Variants in PLPPR5 observed in about 807,000 individuals in gnomAD.
PLPPR5 encodes phospholipid phosphatase-related protein type 5.
PLPPR5 carries 16 observed loss-of-function variants against 33.9 expected under a neutral mutation model. The ratio of observed to expected loss-of-function variants is 0.47; its 90% CI spans 0.32 to 0.72. PLPPR5 has a LOEUF of 0.72. Ranked by LOEUF, PLPPR5 falls within the 30% of genes least tolerant of loss-of-function variation. The probability of loss-of-function intolerance (pLI) is 0.03; values close to 1 mark genes in which losing one functional copy is unlikely to be tolerated. For missense variants in PLPPR5, 301 were observed against 406.7 expected (o/e 0.74, Z 2.23); for synonymous variants, 163 against 150.3 (o/e 1.08, Z -0.62).
Position 98,922,045 on chromosome 1 carries a change from T to A in PLPPR5, c.635A>T (p.Asn212Ile), listed in dbSNP as rs748818897. 7 of 1,611,108 alleles carry A rather than the reference T, an allele frequency of 4.3e-6. No homozygotes were observed. In the East Asian group the frequency reaches 1.6e-4, roughly 36 times the overall value. Residue 212 changes from asparagine to isoleucine, a missense_variant, in exon 4 of 6, where the codon AAC becomes ATC. Asn to Ile is a moderately radical substitution (Grantham distance 149, BLOSUM62 -3). Transcript: ENST00000263177. ...AAMYLTMYITNTIKAKGTRLA... is the reference protein window; with the variant it reads ...AAMYLTMYITITIKAKGTRLA... ...TCTGGTTCCCTTGGCTTTGATTGTG[T>A]TGGTGATGTACATCTGAAACATTCA...
intron 3 of PLPPR5, among the ~76,000 whole-genome samples, chr1:98,935,438 T>C (rs1650140066): frequency 6.6e-6 from 1 of 152,184 alleles, no homozygotes; most frequent in Non-Finnish European, 1.5e-5. Context: ...AATACGACTG[T>C]TCACCTTTAC....
At chr1:98,980,148 T>C (rs1034890413) in intron 1 of PLPPR5, among the ~76,000 whole-genome samples, 1 of 152,042 alleles carries the variant, frequency 6.6e-6, no homozygotes, top group Non-Finnish European at 1.5e-5. Context: ...TTGTGATCTG[T>C]CTGAATCTTC....
chr1:98,942,043 C>T (rs72977859), intron 3 of PLPPR5, among the ~76,000 whole-genome samples: 2,364 of 144,368 alleles, frequency 0.016, 62 homozygotes, highest in African/African-American at 0.051. Flanking sequence ...TACACATATA[C>T]GTATATATGA....
At chr1:98,936,754 C>T (rs1429506617) in intron 3 of PLPPR5, among the ~76,000 whole-genome samples, 1 of 152,162 alleles carries the variant, frequency 6.6e-6, no homozygotes, top group East Asian at 1.9e-4. Flanking sequence ...ACAATCGATC[C>T]TATGCTTTGT....
intron 1 of PLPPR5, among the ~76,000 whole-genome samples, chr1:98,957,288 T>C (rs1651049659): frequency 6.6e-6 from 1 of 151,868 alleles, no homozygotes; most frequent in Admixed American, 6.6e-5. Flanking sequence ...TATACATATG[T>C]AACTAACCTG....
intron 1 of PLPPR5, among the ~76,000 whole-genome samples, chr1:98,996,523 T>G (rs1652638241): frequency 6.6e-6 from 1 of 152,120 alleles, no homozygotes; most frequent in Non-Finnish European, 1.5e-5. Context: ...ACAAAAAGTT[T>G]AAATAGTACT....
At position 98,945,315 on chromosome 1, in the gene PLPPR5, T is replaced by C. The variant is rs373151377; in HGVS notation, c.621+7755A>G. 7.5e-4 allele frequency among the ~76,000 whole-genome samples: 114 copies of C among 152,182 alleles called. 1 individual carries two copies. The highest frequency in any genetic ancestry group is 2.6e-3 in the African/African-American group (109 of 41,462). Reference sequence around the variant, plus strand: ...TTGAGCTACCTGGTCACCTGGAAAATAGGACATAAGACAGGAATTTCTGGA... The same window carrying C: ...TTGAGCTACCTGGTCACCTGGAAAACAGGACATAAGACAGGAATTTCTGGA... On this transcript the variant is annotated intron_variant, in intron 3 of 5. Coordinates refer to ENST00000263177, the MANE Select transcript of PLPPR5 (RefSeq NM_001037317.2).
At chr1:98,946,834 T>C (rs1168838575) in intron 3 of PLPPR5, among the ~76,000 whole-genome samples, 1 of 152,222 alleles carries the variant, frequency 6.6e-6, no homozygotes, top group African/African-American at 2.4e-5. Flanking sequence ...ATCATAACTT[T>C]TTTTTAGAAG....
chr1:98,940,224 C>T (rs1034229215), intron 3 of PLPPR5, among the ~76,000 whole-genome samples: 3 of 151,808 alleles, frequency 2.0e-5, no homozygotes, highest in Admixed American at 6.6e-5. Flanking sequence ...TGCTGGCATA[C>T]TTGAGTACTG....
rs1300126873 is a variant in PLPPR5 at position 98,957,271 on chromosome 1, G to A, written c.238-530C>T. ...TTAGTGGGAGCAGCGCACCAGCATG[G>A]CACATGTATACATATGTAACTAACC... On this transcript the variant is annotated intron_variant, in intron 1 of 5. Coordinates refer to ENST00000263177, the MANE Select transcript of PLPPR5 (RefSeq NM_001037317.2). 2.6e-5 allele frequency among the ~76,000 whole-genome samples: 4 copies of A among 151,606 alleles called. 1 individual carries two copies. The East Asian group carries it at 7.8e-4, about 29-fold the overall frequency.
intron 1 of PLPPR5, among the ~76,000 whole-genome samples, chr1:98,991,504 A>G (rs1218075234): frequency 6.6e-6 from 1 of 152,210 alleles, no homozygotes; most frequent in Non-Finnish European, 1.5e-5. Flanking sequence ...AGTTAAGAAC[A>G]TAAGACATCT....
intron 1 of PLPPR5, among the ~76,000 whole-genome samples, chr1:98,958,500 T>C (rs1239877555): frequency 3.9e-5 from 6 of 152,100 alleles, no homozygotes; most frequent in African/African-American, 1.4e-4. Flanking sequence ...GCCTATTTGG[T>C]GAGAGTGGAT....
At chr1:98,978,729 C>G (rs1054170934) in intron 1 of PLPPR5, among the ~76,000 whole-genome samples, 1 of 151,964 alleles carries the variant, frequency 6.6e-6, no homozygotes, top group Non-Finnish European at 1.5e-5. Context: ...CAGCTCCCCC[C>G]ACCAGAAAAA....
intron 1 of PLPPR5, among the ~76,000 whole-genome samples, chr1:98,975,200 A>G: frequency 6.6e-6 from 1 of 152,004 alleles, no homozygotes; most frequent in East Asian, 1.9e-4. Flanking sequence ...ATGTTTCCAC[A>G]CCCTAGTTCT....
intron 1 of PLPPR5, among the ~76,000 whole-genome samples, chr1:99,003,481 T>C (rs1272957505): frequency 6.6e-6 from 1 of 152,102 alleles, no homozygotes; most frequent in Non-Finnish European, 1.5e-5. Context: ...CAATACTTTG[T>C]CAATATTAAA....
At chr1:98,964,661 CT>C (rs925210710) in intron 1 of PLPPR5, among the ~76,000 whole-genome samples, 28 of 152,182 alleles carry the variant, frequency 1.8e-4, no homozygotes, top group African/African-American at 6.3e-4. Context: ...GGCAAAGCAC[CT>C]GTCTGTTCCC....
At chr1:98,966,969 TG>T (rs1474576904) in intron 1 of PLPPR5, among the ~76,000 whole-genome samples, 2 of 151,898 alleles carry the variant, frequency 1.3e-5, no homozygotes, top group Non-Finnish European at 2.9e-5. Context: ...ACTCTGGGGG[TG>T]GGGGTCTGGC....
At chr1:98,929,036 G>C (rs1024692475) in intron 3 of PLPPR5, among the ~76,000 whole-genome samples, 7 of 152,074 alleles carry the variant, frequency 4.6e-5, no homozygotes, top group Admixed American at 4.6e-4. Context: ...AGGAGATTCC[G>C]TATTTAGTCA....
At chr1:98,992,581 T>C (rs1237557577) in intron 1 of PLPPR5, among the ~76,000 whole-genome samples, 1 of 152,182 alleles carries the variant, frequency 6.6e-6, no homozygotes, top group African/African-American at 2.4e-5. Context: ...GTTTCAAATG[T>C]AGTGTTACTT....
Sources: allele counts gnomAD v4.1 joint callset (sites outside exome capture counted in the v4.1 genomes callset), GRCh38; gene constraint gnomAD v4.1.1; transcripts MANE v1.5; gene names NCBI Gene and HGNC (gene_info 2026-07-23, HGNC 2026-07-21).